The following KHDRBS2 variants were observed in gnomAD, a reference collection of about 807,000 sequenced individuals.
KHDRBS2 encodes the protein KH domain-containing, RNA-binding, signal transduction-associated protein 2.
Under a neutral mutation model 44.3 loss-of-function variants are expected in KHDRBS2, and 26 were observed. The observed-to-expected ratio is 0.59, with a 90% confidence interval of 0.43 to 0.81. The LOEUF is 0.81. KHDRBS2 is among the 40% of genes least tolerant of loss of function. The pLI is 0.00. For synonymous variants in KHDRBS2, 194 were observed against 151.1 expected, an observed-to-expected ratio of 1.28 and a Z score of -2.08; for missense variants, 476 against 433.1, an observed-to-expected ratio of 1.10 and a Z score of -0.88.
At chr6:61,957,117 A>G (rs1450411620) in intron 4 of KHDRBS2, among the ~76,000 whole-genome samples, 1 of 152,148 alleles carries the variant, frequency 6.6e-6, no homozygotes, top group East Asian at 1.9e-4. Context: ...TTTCATGGAC[A>G]CTTATCACTT....
chr6:61,963,309 C>A (rs1769177526), intron 4 of KHDRBS2, among the ~76,000 whole-genome samples: 1 of 151,922 alleles, frequency 6.6e-6, no homozygotes, highest in African/African-American at 2.4e-5. Flanking sequence ...TCTGAGGATC[C>A]AGAAATTTCA....
intron 4 of KHDRBS2, among the ~76,000 whole-genome samples, chr6:61,944,485 C>A (rs1389780350): frequency 1.3e-5 from 2 of 151,348 alleles, no homozygotes; most frequent in Admixed American, 6.6e-5. Context: ...ATGATAGATA[C>A]CACAGGTAGG....
At chr6:61,837,224 T>C (rs567606692) in intron 6 of KHDRBS2, among the ~76,000 whole-genome samples, 23 of 152,040 alleles carry the variant, frequency 1.5e-4, no homozygotes, top group Admixed American at 5.3e-4. Flanking sequence ...AGACAAAGCA[T>C]TACTATTTGA....
At chr6:62,086,885 T>C (rs1798490458) in intron 2 of KHDRBS2, among the ~76,000 whole-genome samples, 2 of 149,946 alleles carry the variant, frequency 1.3e-5, no homozygotes, top group South Asian at 2.1e-4. Flanking sequence ...CATTTCATCA[T>C]ACTGAGCAAA....
chr6:61,720,951 T>G (rs1277776056), intron 7 of KHDRBS2, among the ~76,000 whole-genome samples: 1 of 150,968 alleles, frequency 6.6e-6, no homozygotes, highest in Non-Finnish European at 1.5e-5. Flanking sequence ...GAATTGATTT[T>G]TGTATAAGGT....
At chr6:61,700,704 A>G (rs986037777) in intron 7 of KHDRBS2, among the ~76,000 whole-genome samples, 2 of 149,714 alleles carry the variant, frequency 1.3e-5, no homozygotes, top group African/African-American at 4.9e-5. Context: ...GTTTAAGAAT[A>G]ATCTCCTCAT....
chr6:61,718,505 G>C (rs1771813213), intron 7 of KHDRBS2, among the ~76,000 whole-genome samples: 1 of 151,938 alleles, frequency 6.6e-6, no homozygotes, highest in South Asian at 2.1e-4. Flanking sequence ...TTTCTTTCTT[G>C]CCTCCATCCT....
intron 2 of KHDRBS2, among the ~76,000 whole-genome samples, chr6:62,050,304 G>A (rs1419116275): frequency 6.6e-6 from 1 of 151,914 alleles, no homozygotes; most frequent in Non-Finnish European, 1.5e-5. Context: ...GGTAAGGGGA[G>A]GGATATCATT....
chr6:61,564,681 G>C, the KHDRBS2 span, among the ~76,000 whole-genome samples: 1 of 152,086 alleles, frequency 6.6e-6, no homozygotes, highest in Non-Finnish European at 1.5e-5. Context: ...TAAGGACAGG[G>C]AGGCTGTGGA....
chr6:62,108,672 C>T (rs1804173075), intron 2 of KHDRBS2, among the ~76,000 whole-genome samples: 1 of 152,118 alleles, frequency 6.6e-6, no homozygotes, highest in African/African-American at 2.4e-5. Context: ...GCACTATTCA[C>T]AATAGCAAAG....
chr6:61,745,038 T>G (rs1776668956), intron 6 of KHDRBS2, among the ~76,000 whole-genome samples: 1 of 152,138 alleles, frequency 6.6e-6, no homozygotes, highest in Non-Finnish European at 1.5e-5. Flanking sequence ...TAATGTGATT[T>G]AGGTTTCCAA....
the KHDRBS2 span, among the ~76,000 whole-genome samples, chr6:61,591,729 A>G: frequency 6.6e-6 from 1 of 152,258 alleles, no homozygotes. Context: ...TCTACCCATA[A>G]AACAATTTAA....
chr6:62,138,419 C>T (rs1812044636), intron 2 of KHDRBS2, among the ~76,000 whole-genome samples: 1 of 152,178 alleles, frequency 6.6e-6, no homozygotes, highest in Admixed American at 6.5e-5. Context: ...GAAAATTATA[C>T]CATCAACTGT....
chr6:61,606,450 C>CA, the KHDRBS2 span, among the ~76,000 whole-genome samples: 1 of 151,862 alleles, frequency 6.6e-6, no homozygotes, highest in South Asian at 2.1e-4. Flanking sequence ...TTAAAACTGA[C>CA]AAAAGGAAGG....
At chr6:62,146,523 A>G (rs1162262804) in intron 2 of KHDRBS2, among the ~76,000 whole-genome samples, 2 of 151,892 alleles carry the variant, frequency 1.3e-5, no homozygotes, top group African/African-American at 4.8e-5. Context: ...TTGGAAGGAT[A>G]GCTTTTACAT....
intron 6 of KHDRBS2, among the ~76,000 whole-genome samples, chr6:61,840,214 T>C (rs1281436325): frequency 6.6e-6 from 1 of 152,090 alleles, no homozygotes; most frequent in Non-Finnish European, 1.5e-5. Flanking sequence ...TTAAAATATA[T>C]AAGTTTGCCA....
At chr6:61,555,845 G>T in the KHDRBS2 span, among the ~76,000 whole-genome samples, 1 of 152,118 alleles carries the variant, frequency 6.6e-6, no homozygotes, top group African/African-American at 2.4e-5. Context: ...CTGTTATCTG[G>T]CCCCCAGCTT....
At chr6:61,828,799 T>C (rs185910274) in intron 6 of KHDRBS2, among the ~76,000 whole-genome samples, 1 of 152,372 alleles carries the variant, frequency 6.6e-6, no homozygotes, top group Admixed American at 6.5e-5. Flanking sequence ...CAATATTTTA[T>C]TTATCTTTGT....
Position 62,165,445 on chromosome 6 carries a change from G to A in KHDRBS2, c.219+11740C>T, listed in dbSNP as rs1202004898. ...TTGTTAATATATACTAATTACATGCGTCCATGTTTATTTAATAAGAAATAG... is the reference window on the plus strand; with the variant it reads ...TTGTTAATATATACTAATTACATGCATCCATGTTTATTTAATAAGAAATAG... On this transcript the variant is annotated intron_variant, in intron 2 of 8. Coordinates refer to ENST00000281156, the MANE Select transcript of KHDRBS2 (RefSeq NM_152688.4). 6.0e-5 allele frequency among the ~76,000 whole-genome samples: 9 copies of A among 149,318 alleles called. No individual in the cohort carries two copies. The East Asian group carries it at 7.8e-4, about 13-fold the overall frequency.
Sources: gnomAD v4.1 joint callset for allele counts (sites outside exome capture counted in the v4.1 genomes callset) on GRCh38, gnomAD v4.1.1 for gene constraint, MANE v1.5 for transcripts, NCBI Gene and HGNC (gene_info 2026-07-23, HGNC 2026-07-21) for gene names.